BRMS1L: variants seen among roughly 807,000 people sequenced by gnomAD.
BRMS1L encodes the protein breast cancer metastasis-suppressor 1-like protein.
In BRMS1L, 23 loss-of-function variants were observed where a neutral mutation model predicts 50.3. That is an observed-to-expected ratio of 0.46 (90% CI 0.33 to 0.65). The LOEUF is 0.65. Ranked by LOEUF, BRMS1L falls within the 30% of genes least tolerant of loss-of-function variation. BRMS1L has a pLI of 0.02. For missense variants in BRMS1L, 286 were observed against 386.1 expected, an observed-to-expected ratio of 0.74 and a Z score of 2.17; for synonymous variants, 114 against 126.9, an observed-to-expected ratio of 0.90 and a Z score of 0.69.
chr14:35,869,274 G>T (rs1042652473), intron 9 of BRMS1L, among the ~76,000 whole-genome samples: 8 of 152,080 alleles, frequency 5.3e-5, no homozygotes, highest in Admixed American at 1.3e-4. Flanking sequence ...GATGAGGCCA[G>T]GTACAATAGA....
Position 35,834,345 on chromosome 14 carries a change from A to G in BRMS1L, c.362-499A>G, listed in dbSNP as rs181400693. 3.9e-5 allele frequency among the ~76,000 whole-genome samples: 6 copies of G among 152,320 alleles called. No homozygotes were observed. The East Asian group carries it at 1.2e-3, about 29-fold the overall frequency. ...AAGTCCTGTCAGGAGCACTCCAGAC[A>G]TAATTGATTTTGTTATATCAGTTTA... On this transcript the variant is annotated intron_variant, in intron 3 of 9. Transcript: ENST00000216807.
intron 4 of BRMS1L, among the ~76,000 whole-genome samples, chr14:35,842,541 G>T (rs748061343): frequency 2.6e-5 from 4 of 152,216 alleles, no homozygotes; most frequent in African/African-American, 4.8e-5. Flanking sequence ...TCTGCAGAGA[G>T]ATCCGCTGTT....
rs532644673 is a variant in BRMS1L, at chr14:35,851,795, T to C, written c.442-10795T>C. Among the ~76,000 whole-genome samples the C allele has an allele frequency of 1.2e-4, 19 of 152,292 alleles. 1 individual carries two copies. The South Asian group carries it at 3.9e-3, about 32-fold the overall frequency. ...CCACCGTATGAGCCAGCAACCCCTC[T>C]TCCAGGCATACATCTGAAGAAAACG... On this transcript the variant is annotated intron_variant, in intron 4 of 9. Transcript: ENST00000216807.
chr14:35,839,793 A>T (rs2078038698), intron 4 of BRMS1L, among the ~76,000 whole-genome samples: 1 of 152,164 alleles, frequency 6.6e-6, no homozygotes, highest in South Asian at 2.1e-4. Context: ...GGGTTATCTA[A>T]ATATACAATC....
At chr14:35,840,923 G>A (rs990994167) in intron 4 of BRMS1L, among the ~76,000 whole-genome samples, 8 of 151,988 alleles carry the variant, frequency 5.3e-5, no homozygotes, top group Admixed American at 3.3e-4. Flanking sequence ...TGCTTCTCTA[G>A]TTCTTTTAAT....
At chr14:35,847,743 C>A (rs539008427) in intron 4 of BRMS1L, among the ~76,000 whole-genome samples, 3 of 152,204 alleles carry the variant, frequency 2.0e-5, no homozygotes, top group Non-Finnish European at 4.4e-5. Flanking sequence ...CCACACCTGG[C>A]AACCACCATT....
intron 3 of BRMS1L, among the ~76,000 whole-genome samples, chr14:35,834,370 A>C (rs971295359): frequency 3.3e-5 from 5 of 152,260 alleles, no homozygotes; most frequent in Admixed American, 2.6e-4. Context: ...ATATCAGTTT[A>C]TATACATTTA....
chr14:35,866,251 A>G (rs1240470884), intron 8 of BRMS1L, among the ~76,000 whole-genome samples: 1 of 152,102 alleles, frequency 6.6e-6, no homozygotes, highest in Non-Finnish European at 1.5e-5. Context: ...GGTGTTTAGG[A>G]TAAGTTTCTC....
Position 35,863,937 on chromosome 14 carries a change from G to A in BRMS1L, c.606G>A (p.Lys202=), listed in dbSNP as rs776095131. 6.2e-7 allele frequency: 1 copy of A among 1,613,460 alleles called. No homozygotes were observed. Among genetic ancestry groups the A allele is most frequent in the East Asian group, 2.2e-5 (1 of 44,812 alleles). ...RKDPFSPDKK[K]PVVVSGPYIV... The stretch of plus-strand genomic sequence containing the variant: ...ATCCTTTCAGTCCTGACAAAAAGAA[G>A]CCAGTTGTTGTTTCAGATATCCTTT... Residue 202 remains lysine (K), a synonymous_variant, in exon 6 of 10, where the codon AAG becomes AAA. Coordinates refer to ENST00000216807, the MANE Select transcript of BRMS1L (RefSeq NM_032352.4).
intron 6 of BRMS1L, among the ~76,000 whole-genome samples, chr14:35,864,335 C>T (rs1411101355): frequency 6.6e-6 from 1 of 152,112 alleles, no homozygotes; most frequent in African/African-American, 2.4e-5. Context: ...AATCATGGCT[C>T]ACCTTAGCCT....
intron 4 of BRMS1L, among the ~76,000 whole-genome samples, chr14:35,859,234 G>C (rs1214983013): frequency 6.6e-6 from 1 of 152,040 alleles, no homozygotes; most frequent in South Asian, 2.1e-4. Context: ...GTGAGCCACC[G>C]TGCCTGGCCC....
intron 1 of BRMS1L, among the ~76,000 whole-genome samples, chr14:35,828,655 C>T (rs2077878869): frequency 6.6e-6 from 1 of 151,840 alleles, no homozygotes; most frequent in African/African-American, 2.4e-5. Context: ...TGTGTTTCAC[C>T]ATGTTGGCCA....
Position 35,853,016 on chromosome 14 carries a change from A to G in BRMS1L, c.442-9574A>G, listed in dbSNP as rs531093283. 7.3e-4 allele frequency among the ~76,000 whole-genome samples: 110 copies of G among 150,446 alleles called. No individual in the cohort carries two copies. In the South Asian group the frequency reaches 0.011, roughly 15 times the overall value. On this transcript the variant is annotated intron_variant, in intron 4 of 9. Transcript: ENST00000216807. ...TATCTATCTATCTATCTATCTATCT[A>G]TATATAGAGAGAGAGACTTATCATA... is the stretch of plus-strand genomic sequence containing the variant.
chr14:35,852,987 T>C (rs1164452558), intron 4 of BRMS1L, among the ~76,000 whole-genome samples: 3 of 146,040 alleles, frequency 2.1e-5, no homozygotes, highest in African/African-American at 8.1e-5. Context: ...TTGCTTTATA[T>C]CTGTATCTAT....
intron 5 of BRMS1L, among the ~76,000 whole-genome samples, chr14:35,863,597 C>A (rs1365979736): frequency 6.6e-6 from 1 of 152,134 alleles, no homozygotes; most frequent in Admixed American, 6.5e-5. Flanking sequence ...TGAGACAATG[C>A]ATGTAATATA....
intron 4 of BRMS1L, among the ~76,000 whole-genome samples, chr14:35,836,625 A>G (rs2077997756): frequency 6.6e-6 from 1 of 152,224 alleles, no homozygotes; most frequent in Non-Finnish European, 1.5e-5. Flanking sequence ...TACAGGTGTG[A>G]GCCAAGGATG....
intron 4 of BRMS1L, among the ~76,000 whole-genome samples, chr14:35,851,843 T>C (rs897615626): frequency 3.9e-5 from 6 of 152,184 alleles, no homozygotes; most frequent in Admixed American, 2.0e-4. Context: ...CAAAGAGATA[T>C]GTGCACTCCC....
intron 4 of BRMS1L, among the ~76,000 whole-genome samples, chr14:35,855,442 C>T (rs8009882): frequency 0.03 from 4,620 of 152,086 alleles, 190 homozygotes; most frequent in African/African-American, 0.088. Context: ...GTGTTTGTGG[C>T]GTTTTATCCA....
chr14:35,856,674 C>T (rs963641467), intron 4 of BRMS1L, among the ~76,000 whole-genome samples: 2 of 151,822 alleles, frequency 1.3e-5, no homozygotes, highest in South Asian at 2.1e-4. Context: ...TGTAGTGGCG[C>T]GATCTTAGCT....
Sources: allele counts gnomAD v4.1 joint callset (sites outside exome capture counted in the v4.1 genomes callset), GRCh38; gene constraint gnomAD v4.1.1; transcripts MANE v1.5; gene names NCBI Gene and HGNC (gene_info 2026-07-23, HGNC 2026-07-21).